The following API5 variants were observed in gnomAD, a reference collection of about 807,000 sequenced individuals.
API5 encodes the protein FIF.
In API5, 6 loss-of-function variants were observed where a neutral mutation model predicts 71.9. The observed-to-expected ratio is 0.08, with a 90% CI of 0.05 to 0.16. The LOEUF (loss-of-function observed/expected upper bound fraction) is 0.16, where lower values mean the gene tolerates loss of function less well. Among genes scored for constraint, API5 ranks in the 10% least tolerant of loss-of-function variants. The pLI, the probability that API5 is intolerant of heterozygous loss-of-function variation, is 1.00. For synonymous variants in API5, 189 were observed against 221.3 expected, an observed-to-expected ratio of 0.85 and a Z score of 1.30; for missense variants, 332 against 612.8, an observed-to-expected ratio of 0.54 and a Z score of 4.84.
At chr11:43,317,199 T>C (rs1410899052) in intron 1 of API5, among the ~76,000 whole-genome samples, 6 of 152,230 alleles carry the variant, frequency 3.9e-5, no homozygotes, top group African/African-American at 1.2e-4. Context: ...TTTTTCCAGT[T>C]ACTAAGTTTT....
At chr11:43,326,132 C>T (rs1284912750) in intron 6 of API5, among the ~76,000 whole-genome samples, 1 of 152,036 alleles carries the variant, frequency 6.6e-6, no homozygotes, top group Non-Finnish European at 1.5e-5. Context: ...TAAAGGGCAC[C>T]CACATTTCTT....
intron 1 of API5, among the ~76,000 whole-genome samples, chr11:43,314,186 A>C (rs999068939): frequency 6.6e-6 from 1 of 152,168 alleles, no homozygotes; most frequent in Non-Finnish European, 1.5e-5. Flanking sequence ...AGATATTCTC[A>C]ATCGTATAAT....
intron 6 of API5, among the ~76,000 whole-genome samples, chr11:43,324,136 G>C (rs1355633030): frequency 6.6e-6 from 1 of 151,958 alleles, no homozygotes; most frequent in African/African-American, 2.4e-5. Flanking sequence ...TTCCATCTCA[G>C]CCTCCCAAGT....
chr11:43,321,485 A>G lies in API5; in HGVS notation c.391+9A>G. 1 of 1,594,692 alleles carries G rather than the reference A, an allele frequency of 6.3e-7. No homozygotes were observed. The highest frequency in any genetic ancestry group is 1.1e-5 in the South Asian group (1 of 89,760). ...TAAAATGGATGCAAAAGGTAAGGCC[A>G]GTTCTTATTCTGAATTGTGTTTGAT... On this transcript the variant is annotated intron_variant, in intron 4 of 13. Coordinates refer to ENST00000531273, the MANE Select transcript of API5 (RefSeq NM_001142930.2).
intron 11 of API5, among the ~76,000 whole-genome samples, chr11:43,333,276 T>G (rs1855317845): frequency 6.6e-6 from 1 of 152,220 alleles, no homozygotes; most frequent in African/African-American, 2.4e-5. Context: ...AAAGCATCTC[T>G]AGATTACTTA....
chr11:43,334,558 C>CA (rs540971402), intron 11 of API5, among the ~76,000 whole-genome samples: 102 of 152,008 alleles, frequency 6.7e-4, no homozygotes, highest in African/African-American at 2.4e-3. Context: ...TACCTATATA[C>CA]AAAAAATCAA....
chr11:43,314,333 C>T (rs1416367526), intron 1 of API5, among the ~76,000 whole-genome samples: 1 of 152,044 alleles, frequency 6.6e-6, no homozygotes, highest in African/African-American at 2.4e-5. Context: ...CCTTTGAAAC[C>T]GTATACATAA....
At chr11:43,324,653 A>G (rs1425668179) in intron 6 of API5, among the ~76,000 whole-genome samples, 1 of 151,954 alleles carries the variant, frequency 6.6e-6, no homozygotes, top group East Asian at 1.9e-4. Flanking sequence ...TCCAACACTA[A>G]AAGATGTCCA....
In API5 at chr11:43,320,907, G is replaced by A; in HGVS notation, c.318G>A (p.Leu106=). 1 of 1,609,876 alleles carries A rather than the reference G, an allele frequency of 6.2e-7. No homozygotes were observed. The highest frequency in any genetic ancestry group is 8.5e-7 in the Non-Finnish European group (1 of 1,177,986). ...PRVADILTQL[L]QTDDSAEFNL... Reference sequence around the variant, plus strand: ...TGGCAGATATACTAACGCAACTTTTGCAGACAGGTAAGGGATTTTATTATT... The same window carrying A: ...TGGCAGATATACTAACGCAACTTTTACAGACAGGTAAGGGATTTTATTATT... The change falls in exon 3 of 14, where the codon TTG becomes TTA. Residue 106 remains leucine (L), a synonymous_variant. Coordinates refer to ENST00000531273, the MANE Select transcript of API5 (RefSeq NM_001142930.2).
At chr11:43,326,772 T>C (rs5743236) in intron 7 of API5, among the ~76,000 whole-genome samples, 161 bp downstream of exon 7, 14,277 of 152,328 alleles carry the variant, frequency 0.094, 852 homozygotes, top group Middle Eastern at 0.16. Context: ...TTAGGACTGC[T>C]TCATGGATTC....
chr11:43,326,689 C>T (rs974001646), intron 7 of API5, 78 bp downstream of exon 7: 46 of 816,216 alleles, frequency 5.6e-5, no homozygotes, highest in Admixed American at 1.5e-4. Context: ...AACTTAGATC[C>T]GATTTCTAAG....
chr11:43,318,618 C>A (rs1488290810), intron 1 of API5, 22 bp from the exon 2 acceptor site: 1 of 1,609,318 alleles, frequency 6.2e-7, no homozygotes, highest in African/African-American at 1.3e-5. Context: ...ATGTGTCTTT[C>A]CTGCTTTATT....
intron 1 of API5, among the ~76,000 whole-genome samples, chr11:43,317,827 G>A (rs1171154537): frequency 6.6e-6 from 1 of 151,504 alleles, no homozygotes; most frequent in Non-Finnish European, 1.5e-5. Context: ...ACAAATGTCT[G>A]CCACCACACC....
rs371591916 is a variant in API5 at position 43,340,496 on chromosome 11, C to A, written c.1493-1932C>A. Among the ~76,000 whole-genome samples, 125 of 152,166 alleles carry A rather than the reference C, an allele frequency of 8.2e-4. 1 individual carries two copies. The South Asian group carries it at 0.024, about 30-fold the overall frequency. On this transcript the variant is annotated intron_variant, in intron 13 of 13. Transcript: ENST00000531273. ...CCAAAGCAATACTGAGCAAAAAGAACAAAGCTGGAGTTATCACACTACCAG... is the reference window on the plus strand; with the variant it reads ...CCAAAGCAATACTGAGCAAAAAGAAAAAAGCTGGAGTTATCACACTACCAG...
At chr11:43,318,298 C>G in intron 1 of API5, 1 of 926,200 alleles carries the variant, frequency 1.1e-6, no homozygotes, top group Non-Finnish European at 1.6e-6. Flanking sequence ...CGTGAGCCAC[C>G]ACGCCTGGCC....
chr11:43,319,790 A>T (rs1050791119), intron 2 of API5, among the ~76,000 whole-genome samples: 6 of 152,226 alleles, frequency 3.9e-5, no homozygotes, highest in African/African-American at 1.2e-4. Flanking sequence ...ATAGCCACAA[A>T]TGTTGTATTT....
chr11:43,317,492 A>C (rs1854712330), intron 1 of API5, among the ~76,000 whole-genome samples: 1 of 152,162 alleles, frequency 6.6e-6, no homozygotes, highest in Non-Finnish European at 1.5e-5. Flanking sequence ...TATGGAGTGA[A>C]TTGTCATGGC....
chr11:43,334,599 A>T (rs1366794264), intron 11 of API5, among the ~76,000 whole-genome samples: 2 of 152,184 alleles, frequency 1.3e-5, no homozygotes, highest in African/African-American at 4.8e-5. Context: ...TACTAAGAAT[A>T]AATGTGTTTA....
At chr11:43,330,635 T>G (rs574432479) in intron 11 of API5, 71 bp downstream of exon 11, 1 of 1,238,666 alleles carries the variant, frequency 8.1e-7, no homozygotes, top group African/African-American at 1.5e-5. Flanking sequence ...TTAAAAGTTT[T>G]GCATAAGATA....
Sources: allele counts gnomAD v4.1 joint callset (sites outside exome capture counted in the v4.1 genomes callset), GRCh38; gene constraint gnomAD v4.1.1; transcripts MANE v1.5; gene names NCBI Gene and HGNC (gene_info 2026-07-23, HGNC 2026-07-21).